Variants in SLC38A1 observed in about 807,000 individuals in gnomAD.
SLC38A1 encodes solute carrier family 38 member 1, also known as sodium-coupled neutral amino acid symporter 1.
In SLC38A1, 18 loss-of-function variants were observed where a neutral mutation model predicts 60.3. The observed-to-expected ratio is 0.30, with a 90% CI of 0.21 to 0.44. The LOEUF is 0.44. SLC38A1 is among the 20% of genes least tolerant of loss of function. SLC38A1 has a pLI of 1.00. For synonymous variants in SLC38A1, 196 were observed against 212.1 expected, an observed-to-expected ratio of 0.92 and a Z score of 0.66; for missense variants, 448 against 587.2, an observed-to-expected ratio of 0.76 and a Z score of 2.45.
intron 1 of SLC38A1, among the ~76,000 whole-genome samples, chr12:46,254,241 G>T (rs1941951153): frequency 6.6e-6 from 1 of 152,166 alleles, no homozygotes; most frequent in African/African-American, 2.4e-5. Context: ...CTTCTGAGCA[G>T]CAGCTAGAGA....
chr12:46,218,039 G>A (rs577521238), intron 5 of SLC38A1, among the ~76,000 whole-genome samples: 1 of 152,304 alleles, frequency 6.6e-6, no homozygotes, highest in South Asian at 2.1e-4. Context: ...TCTAAAAGAA[G>A]TATCCCAGTA....
Position 46,185,760 on chromosome 12 carries a change from G to C in SLC38A1, c.*3210C>G, listed in dbSNP as rs976294190. The C allele has an allele frequency of 6.6e-6, 1 of 152,134 alleles. No individual in the cohort carries two copies. The highest frequency in any genetic ancestry group is 2.4e-5 in the African/African-American group (1 of 41,354). The allele number at this position is 152,134 out of a possible 1,614,324, so 9.4% of individuals were successfully genotyped here. On this transcript the variant is annotated 3_prime_UTR_variant, in exon 17 of 17. Transcript: ENST00000398637. ...GTCCCTGGAGGTTTCTGACCCATGA[G>C]AGGCCCCCTCACCCTCCTTCACCCT...
At chr12:46,229,495 G>T in intron 4 of SLC38A1, 69 bp downstream of exon 4, 1 of 1,223,504 alleles carries the variant, frequency 8.2e-7, no homozygotes, top group Non-Finnish European at 1.2e-6. Context: ...TATGCTACTT[G>T]AATTAAAAAG....
At position 46,207,199 on chromosome 12, in the gene SLC38A1, T is replaced by C. The variant is rs1390176742; in HGVS notation, c.519A>G (p.Leu173=). The change falls in exon 8 of 17, where the codon CTA becomes CTG. Residue 173 remains leucine, a synonymous_variant. Transcript: ENST00000398637. ...CCATTAGAAACTTTATGGCAGAGGG[T>C]AGTTCATTTTTTACGATGAAGAGGT... ...LSYLFIVKNE[L]PSAIKFLMGK... is the part of the protein sequence containing the mutation. 1 of 1,612,990 alleles carries C rather than the reference T, an allele frequency of 6.2e-7. No homozygotes were observed. The highest frequency in any genetic ancestry group is 8.5e-7 in the Non-Finnish European group (1 of 1,179,522).
At chr12:46,205,871 C>T (rs555404234) in intron 9 of SLC38A1, among the ~76,000 whole-genome samples, 1 of 152,272 alleles carries the variant, frequency 6.6e-6, no homozygotes, top group East Asian at 1.9e-4. Flanking sequence ...CCCTCCACAG[C>T]TCAGTAGAGG....
At chr12:46,257,017 G>T (rs974207056) in intron 1 of SLC38A1, among the ~76,000 whole-genome samples, 1 of 152,144 alleles carries the variant, frequency 6.6e-6, no homozygotes, top group Non-Finnish European at 1.5e-5. Flanking sequence ...CCTGTGGCAG[G>T]GTGGAGAAGG....
chr12:46,206,045 C>A, intron 9 of SLC38A1, 35 bp downstream of exon 9: 1 of 1,356,416 alleles, frequency 7.4e-7, no homozygotes, highest in Non-Finnish European at 1.1e-6. Flanking sequence ...CACTTGGGCA[C>A]TGCAGAATAT....
At chr12:46,209,670 A>T (rs1389551020) in intron 5 of SLC38A1, among the ~76,000 whole-genome samples, 6 of 152,308 alleles carry the variant, frequency 3.9e-5, no homozygotes, top group African/African-American at 1.4e-4. Flanking sequence ...TTGGGCTACT[A>T]ATGTAATTCA....
chr12:46,203,139 A>G, intron 11 of SLC38A1, 50 bp from the exon 12 acceptor site: 1 of 1,445,882 alleles, frequency 6.9e-7, no homozygotes, highest in Non-Finnish European at 9.7e-7. Context: ...TTACCATAAA[A>G]AGGACATAGC....
At chr12:46,233,385 G>C (rs972799334) in intron 3 of SLC38A1, among the ~76,000 whole-genome samples, 1 of 152,030 alleles carries the variant, frequency 6.6e-6, no homozygotes, top group Admixed American at 6.5e-5. Context: ...GTTTTCCTTT[G>C]CCTTTCTTGT....
chr12:46,225,636 T>C (rs1940834274), intron 5 of SLC38A1, among the ~76,000 whole-genome samples: 1 of 152,132 alleles, frequency 6.6e-6, no homozygotes, highest in African/African-American at 2.4e-5. Flanking sequence ...GGTTCCCAAG[T>C]AAAGGAACAT....
At chr12:46,253,260 G>T (rs1285164161) in intron 1 of SLC38A1, among the ~76,000 whole-genome samples, 1 of 152,192 alleles carries the variant, frequency 6.6e-6, no homozygotes, top group African/African-American at 2.4e-5. Context: ...TGGATCTCAG[G>T]AAAGAAAGAA....
At chr12:46,201,276 A>C in intron 12 of SLC38A1, 78 bp from the exon 13 acceptor site, 1 of 1,195,858 alleles carries the variant, frequency 8.4e-7, no homozygotes, top group Non-Finnish European at 1.2e-6. Flanking sequence ...AAGAATACTA[A>C]TTTAACTTTG....
chr12:46,201,364 T>C (rs566313398), intron 12 of SLC38A1, among the ~76,000 whole-genome samples, 166 bp from the exon 13 acceptor site: 17 of 152,340 alleles, frequency 1.1e-4, no homozygotes, highest in Non-Finnish European at 2.4e-4. Context: ...ACCTCTCTTA[T>C]ACTGAATTGG....
intron 11 of SLC38A1, 52 bp downstream of exon 11, chr12:46,204,249 A>C: frequency 9.1e-7 from 1 of 1,095,618 alleles, no homozygotes; most frequent in African/African-American, 1.5e-5. Context: ...TGAGAAATAG[A>C]ATGTCCTTAA....
Position 46,229,203 on chromosome 12 carries a change from C to A in SLC38A1, c.264G>T (p.Gly88=), listed in dbSNP as rs1394314575. Reference sequence around the variant, plus strand: ...CCAGGGCAAAGGCGAGTCCCAAAATCCCACTGCCCATAATGGCGTTGCTTA... The same window carrying A: ...CCAGGGCAAAGGCGAGTCCCAAAATACCACTGCCCATAATGGCGTTGCTTA... ...FNLSNAIMGS[G]ILGLAFALAN... is the part of the protein sequence containing the mutation. The change falls in exon 5 of 17, where the codon GGG becomes GGT. Residue 88 remains glycine, a synonymous_variant. Transcript: ENST00000398637. The A allele has an allele frequency of 5.0e-6, 8 of 1,613,758 alleles. No individual in the cohort carries two copies. The highest frequency in any genetic ancestry group is 6.8e-6 in the Non-Finnish European group (8 of 1,179,826).
rs147089850 is a variant in SLC38A1, at chr12:46,210,354, C to A, written c.315-1227G>T. Among the ~76,000 whole-genome samples, 10 of 152,256 alleles carry A rather than the reference C, an allele frequency of 6.6e-5. No individual in the cohort carries two copies. In the East Asian group the frequency reaches 1.9e-3, roughly 29 times the overall value. On this transcript the variant is annotated intron_variant, in intron 5 of 16. Transcript: ENST00000398637. ...GAACTGCCAGAAACTGGCCAGCAAA[C>A]AAAAGAGGGGCAGAGCTCAGCAGAG... is the stretch of plus-strand genomic sequence containing the variant.
At chr12:46,198,483 G>T in intron 14 of SLC38A1, 142 bp downstream of exon 14, 1 of 586,120 alleles carries the variant, frequency 1.7e-6, no homozygotes, top group East Asian at 2.9e-5. Context: ...AGCCTGAACC[G>T]AGTCTTGGGA....
chr12:46,208,501 T>C (rs1940009385), intron 6 of SLC38A1, among the ~76,000 whole-genome samples: 1 of 152,232 alleles, frequency 6.6e-6, no homozygotes. Flanking sequence ...AGTTGACCAA[T>C]GTGGTTTTAG....
Sources: gnomAD v4.1 joint callset for allele counts (sites outside exome capture counted in the v4.1 genomes callset) on GRCh38, gnomAD v4.1.1 for gene constraint, MANE v1.5 for transcripts, NCBI Gene and HGNC (gene_info 2026-07-23, HGNC 2026-07-21) for gene names.